CRADD: variants seen among roughly 807,000 people sequenced by gnomAD.
The protein encoded by CRADD is death domain-containing protein CRADD.
CRADD carries 9 observed loss-of-function variants against 15.5 expected under a neutral mutation model. The observed-to-expected ratio is 0.58, with a 90% CI of 0.35 to 1.01. The LOEUF (loss-of-function observed/expected upper bound fraction) is 1.01, where lower values mean the gene tolerates loss of function less well. Among genes scored for constraint, CRADD ranks in the 50% least tolerant of loss-of-function variants. The pLI, the probability that CRADD is intolerant of heterozygous loss-of-function variation, is 0.02. For missense variants in CRADD, 227 were observed against 250.3 expected (o/e 0.91, Z 0.63); for synonymous variants, 118 against 107.6 (o/e 1.10, Z -0.60).
chr12:93,782,396 G>A (rs1344461396), intron 2 of CRADD, among the ~76,000 whole-genome samples: 1 of 151,990 alleles, frequency 6.6e-6, no homozygotes, highest in Non-Finnish European at 1.5e-5. Context: ...AATGCTAAAT[G>A]AGGAGTTAAT....
intron 2 of CRADD, among the ~76,000 whole-genome samples, chr12:93,779,665 C>T (rs539340181): frequency 6.6e-6 from 1 of 151,166 alleles, no homozygotes; most frequent in South Asian, 2.1e-4. Flanking sequence ...TCTCGGCCCA[C>T]TGCAACCTCC....
chr12:93,879,499 C>T (rs1377960576), intron 2 of CRADD, among the ~76,000 whole-genome samples: 1 of 152,170 alleles, frequency 6.6e-6, no homozygotes, highest in Non-Finnish European at 1.5e-5. Context: ...TCCCTTCCAA[C>T]ATCTCTTGCC....
intron 2 of CRADD, among the ~76,000 whole-genome samples, chr12:93,867,791 G>A (rs1392764946): frequency 1.3e-5 from 2 of 152,142 alleles, no homozygotes; most frequent in East Asian, 3.9e-4. Context: ...ATAGTCAGAA[G>A]CAACATGCCT....
At chr12:93,735,024 C>T (rs2136918744) in intron 2 of CRADD, among the ~76,000 whole-genome samples, 1 of 152,296 alleles carries the variant, frequency 6.6e-6, no homozygotes, top group Non-Finnish European at 1.5e-5. Context: ...CTGTCTGCCT[C>T]CCCTTCCTGT....
chr12:93,702,789 C>T (rs1955866654), intron 2 of CRADD, among the ~76,000 whole-genome samples: 1 of 152,004 alleles, frequency 6.6e-6, no homozygotes, highest in South Asian at 2.1e-4. Flanking sequence ...GGCAAGTGCA[C>T]CATACAGGTG....
chr12:93,811,587 G>T (rs948974598), intron 2 of CRADD, among the ~76,000 whole-genome samples: 5 of 152,196 alleles, frequency 3.3e-5, no homozygotes, highest in Non-Finnish European at 7.3e-5. Context: ...GCTTTGAGAC[G>T]TCGGGCAAGT....
chr12:93,738,207 G>A (rs1320609454), intron 2 of CRADD: 2 of 613,422 alleles, frequency 3.3e-6, no homozygotes, highest in Non-Finnish European at 5.8e-6. Flanking sequence ...CAGGGTTAGA[G>A]GAAAAAGGAA....
chr12:93,783,066 C>T (rs1957229670), intron 2 of CRADD, among the ~76,000 whole-genome samples: 1 of 152,032 alleles, frequency 6.6e-6, no homozygotes. Flanking sequence ...TGGGTTATAA[C>T]CCAATTTGTA....
At chr12:93,706,430 T>G (rs1162188468) in intron 2 of CRADD, among the ~76,000 whole-genome samples, 2 of 150,298 alleles carry the variant, frequency 1.3e-5, no homozygotes, top group Non-Finnish European at 3.0e-5. Flanking sequence ...GCTACCAAAA[T>G]TTGTTTTTTT....
chr12:93,796,700 T>C (rs1228648711), intron 2 of CRADD, among the ~76,000 whole-genome samples: 1 of 152,166 alleles, frequency 6.6e-6, no homozygotes, highest in African/African-American at 2.4e-5. Context: ...GCTAGACTTT[T>C]CCTTGTCAAG....
At chr12:93,686,042 G>A (rs1489495359) in intron 2 of CRADD, among the ~76,000 whole-genome samples, 1 of 151,438 alleles carries the variant, frequency 6.6e-6, no homozygotes, top group Non-Finnish European at 1.5e-5. Context: ...GCTCATGCCT[G>A]TAATCCCTAC....
chr12:93,833,296 T>C (rs1957931169), intron 2 of CRADD, among the ~76,000 whole-genome samples: 1 of 152,198 alleles, frequency 6.6e-6, no homozygotes, highest in Non-Finnish European at 1.5e-5. Context: ...GAGATAGATA[T>C]GCTTTCAAAG....
In CRADD at chr12:93,816,302, C is replaced by T. The variant is rs186004184; in HGVS notation, c.299-33668C>T. Among the ~76,000 whole-genome samples the T allele has an allele frequency of 1.7e-3, 262 of 151,842 alleles. 1 individual carries two copies. Among genetic ancestry groups the T allele is most frequent in the African/African-American group, 6.0e-3 (247 of 41,384 alleles). On this transcript the variant is annotated intron_variant, in intron 2 of 2. Coordinates refer to ENST00000332896, the MANE Select transcript of CRADD (RefSeq NM_003805.5). ...TGCGATCTCAGCTCACTGCAGCCTC[C>T]GCCTCTGTGGTTCAAGCAATTCTCC...
At chr12:93,840,198 C>G (rs1443062375) in intron 2 of CRADD, among the ~76,000 whole-genome samples, 2 of 152,222 alleles carry the variant, frequency 1.3e-5, no homozygotes, top group African/African-American at 4.8e-5. Context: ...GTCATCCCAT[C>G]TAGCACAACA....
intron 2 of CRADD, among the ~76,000 whole-genome samples, chr12:93,866,502 G>T (rs1321108588): frequency 6.6e-6 from 1 of 152,108 alleles, no homozygotes; most frequent in African/African-American, 2.4e-5. Flanking sequence ...CTCTCTGATA[G>T]TTTTTGTCTT....
At chr12:93,888,376 G>T (rs1958553048) in intron 2 of CRADD, among the ~76,000 whole-genome samples, 2 of 148,072 alleles carry the variant, frequency 1.4e-5, no homozygotes, top group Non-Finnish European at 3.0e-5. Context: ...AGTGAGCCGA[G>T]ATCGTGCCAC....
intron 2 of CRADD, chr12:93,859,194 A>G (rs1958299541): frequency 9.8e-6 from 4 of 408,890 alleles, no homozygotes; most frequent in Admixed American, 5.5e-5. Flanking sequence ...TGCTATATTT[A>G]TATTTTTAGG....
chr12:93,693,544 T>C (rs1955625275), intron 2 of CRADD, among the ~76,000 whole-genome samples: 1 of 151,994 alleles, frequency 6.6e-6, no homozygotes, highest in South Asian at 2.1e-4. Flanking sequence ...TAAGAAGGTA[T>C]AATAGCCATA....
intron 2 of CRADD, among the ~76,000 whole-genome samples, chr12:93,764,305 G>A (rs751669425): frequency 6.6e-5 from 10 of 151,930 alleles, no homozygotes; most frequent in Non-Finnish European, 1.0e-4. Flanking sequence ...CTGGTGAGAG[G>A]TGGCCATGGC....
Sources: gnomAD v4.1 joint callset for allele counts (sites outside exome capture counted in the v4.1 genomes callset) on GRCh38, gnomAD v4.1.1 for gene constraint, MANE v1.5 for transcripts, NCBI Gene and HGNC (gene_info 2026-07-23, HGNC 2026-07-21) for gene names.